SLC16A10: variants seen among roughly 807,000 people sequenced by gnomAD.
SLC16A10 encodes the protein monocarboxylate transporter 10.
A neutral mutation model predicts 40.0 loss-of-function variants in SLC16A10; 27 were observed. The ratio of observed to expected loss-of-function variants is 0.67; its 90% CI spans 0.50 to 0.93. The LOEUF is 0.93. Among genes scored for constraint, SLC16A10 ranks in the 40% least tolerant of loss-of-function variants. The pLI, the probability that SLC16A10 is intolerant of heterozygous loss-of-function variation, is 0.00. For synonymous variants in SLC16A10, 213 were observed against 249.8 expected (o/e 0.85, Z 1.39); for missense variants, 529 against 658.2 (o/e 0.80, Z 2.15).
At chr6:111,099,475 G>C (rs1346577096) in intron 1 of SLC16A10, among the ~76,000 whole-genome samples, 2 of 151,984 alleles carry the variant, frequency 1.3e-5, no homozygotes, top group Non-Finnish European at 2.9e-5. Flanking sequence ...ACTACACCTG[G>C]CTAATTTTTA....
intron 1 of SLC16A10, among the ~76,000 whole-genome samples, chr6:111,097,494 A>G (rs141172142): frequency 0.013 from 2,034 of 151,630 alleles, no homozygotes; most frequent in African/African-American, 0.047. Context: ...TTGTATTTTT[A>G]GTAGAGGTAG....
In SLC16A10 at chr6:111,169,588, C is replaced by T. The variant is rs1772544259; in HGVS notation, c.344-3107C>T. Among the ~76,000 whole-genome samples the T allele has an allele frequency of 3.9e-5, 6 of 152,362 alleles. No individual in the cohort carries two copies. In the South Asian group the frequency reaches 1.2e-3, roughly 32 times the overall value. ...GAAAAGCAGCTGATTTCAATCCCTT[C>T]CCAGGTTCCCTGGGGCTGGGGAAAA... On this transcript the variant is annotated intron_variant, in intron 1 of 5. Transcript: ENST00000368851.
intron 1 of SLC16A10, among the ~76,000 whole-genome samples, chr6:111,120,147 A>G (rs1771558570): frequency 6.6e-6 from 1 of 152,236 alleles, no homozygotes; most frequent in African/African-American, 2.4e-5. Flanking sequence ...TCAGGGAAAC[A>G]TGCTGACGTC....
chr6:111,100,325 G>A (rs1250197682), intron 1 of SLC16A10, among the ~76,000 whole-genome samples: 2 of 152,108 alleles, frequency 1.3e-5, no homozygotes, highest in East Asian at 3.8e-4. Flanking sequence ...AAAATAAATT[G>A]TAATACATTT....
chr6:111,189,231 G>T (rs1200861218), intron 3 of SLC16A10, among the ~76,000 whole-genome samples: 1 of 152,154 alleles, frequency 6.6e-6, no homozygotes, highest in Non-Finnish European at 1.5e-5. Flanking sequence ...GGTAAGAGAT[G>T]GTAAGAGACA....
rs1025551864 is a variant in SLC16A10 at position 111,224,822 on chromosome 6, A to G, written c.*2587A>G. On this transcript the variant is annotated 3_prime_UTR_variant, in exon 6 of 6. Coordinates refer to ENST00000368851, the MANE Select transcript of SLC16A10 (RefSeq NM_018593.5). ...TTCTGAATGAAGTGTTACTGCTGCAATAAAGTGACCTGATAAGCCTAAATT... is the reference window on the plus strand; with the variant it reads ...TTCTGAATGAAGTGTTACTGCTGCAGTAAAGTGACCTGATAAGCCTAAATT... 2.0e-5 allele frequency: 3 copies of G among 152,224 alleles called. No individual in the cohort carries two copies. The highest frequency in any genetic ancestry group is 7.2e-5 in the African/African-American group (3 of 41,456). 9.4% of individuals were successfully genotyped at this position (152,224 alleles called of 1,614,324 possible). A position where few individuals can be genotyped will look rare whatever the true frequency, so the allele number is the denominator to read the frequency against.
chr6:111,205,784 A>T (rs1773243509), intron 3 of SLC16A10, among the ~76,000 whole-genome samples: 1 of 152,248 alleles, frequency 6.6e-6, no homozygotes, highest in African/African-American at 2.4e-5. Flanking sequence ...ATCTGTTCTA[A>T]TGCTACACAG....
chr6:111,113,280 G>A (rs1228725307), intron 1 of SLC16A10, among the ~76,000 whole-genome samples: 1 of 152,130 alleles, frequency 6.6e-6, no homozygotes, highest in Non-Finnish European at 1.5e-5. Context: ...ATAAGAATTA[G>A]TAGTACAATA....
At chr6:111,138,730 C>T (rs905879010) in intron 1 of SLC16A10, among the ~76,000 whole-genome samples, 1 of 152,038 alleles carries the variant, frequency 6.6e-6, no homozygotes, top group African/African-American at 2.4e-5. Flanking sequence ...AAGTGATCCT[C>T]CTGCCTCAGC....
At chr6:111,114,274 T>C (rs1034228762) in intron 1 of SLC16A10, among the ~76,000 whole-genome samples, 31 of 152,228 alleles carry the variant, frequency 2.0e-4, no homozygotes, top group Non-Finnish European at 7.3e-5. Context: ...TGTGACTACA[T>C]TGGTAAATCT....
chr6:111,139,574 A>G (rs1009973177), intron 1 of SLC16A10, among the ~76,000 whole-genome samples: 3 of 152,218 alleles, frequency 2.0e-5, no homozygotes, highest in African/African-American at 7.2e-5. Flanking sequence ...TGCTGGAATT[A>G]CAGGCATGAG....
At chr6:111,204,381 T>G (rs561802192) in intron 3 of SLC16A10, among the ~76,000 whole-genome samples, 1 of 152,182 alleles carries the variant, frequency 6.6e-6, no homozygotes. Context: ...GCACAGGGCC[T>G]GTTGACTTTG....
chr6:111,119,753 T>C (rs1247393914), intron 1 of SLC16A10, among the ~76,000 whole-genome samples: 1 of 152,240 alleles, frequency 6.6e-6, no homozygotes, highest in Non-Finnish European at 1.5e-5. Context: ...CCTGGTCAGA[T>C]AGGATTAGTG....
chr6:111,139,737 G>A (rs533756223), intron 1 of SLC16A10, among the ~76,000 whole-genome samples: 20 of 152,270 alleles, frequency 1.3e-4, no homozygotes, highest in Non-Finnish European at 2.1e-4. Context: ...GAACATTCAC[G>A]TGCATGTGTC....
chr6:111,154,715 G>A (rs113486547), intron 1 of SLC16A10, among the ~76,000 whole-genome samples: 8 of 152,176 alleles, frequency 5.3e-5, no homozygotes, highest in South Asian at 2.1e-4. Context: ...TTCTGAGGCC[G>A]GGAGCAGTGG....
At chr6:111,089,695 G>A (rs1464933835) in intron 1 of SLC16A10, among the ~76,000 whole-genome samples, 1 of 152,012 alleles carries the variant, frequency 6.6e-6, no homozygotes, top group Non-Finnish European at 1.5e-5. Context: ...AAAATAGTTT[G>A]TTGTCTTTTC....
chr6:111,163,376 T>C (rs934427919), intron 1 of SLC16A10, among the ~76,000 whole-genome samples: 1 of 151,644 alleles, frequency 6.6e-6, no homozygotes, highest in Non-Finnish European at 1.5e-5. Context: ...ATGGTCTCGA[T>C]CTCCTGACCT....
At chr6:111,125,393 A>G (rs752409419) in intron 1 of SLC16A10, among the ~76,000 whole-genome samples, 38 of 152,156 alleles carry the variant, frequency 2.5e-4, no homozygotes, top group Non-Finnish European at 4.0e-4. Context: ...CCTCCTCATG[A>G]AATTTCTGGA....
chr6:111,162,912 C>T (rs1176771950), intron 1 of SLC16A10, among the ~76,000 whole-genome samples: 3 of 152,030 alleles, frequency 2.0e-5, no homozygotes, highest in Admixed American at 2.0e-4. Flanking sequence ...TTCAGCTCTT[C>T]ATGAGTCCTG....
Sources: gnomAD v4.1 joint callset for allele counts (sites outside exome capture counted in the v4.1 genomes callset) on GRCh38, gnomAD v4.1.1 for gene constraint, MANE v1.5 for transcripts, NCBI Gene and HGNC (gene_info 2026-07-23, HGNC 2026-07-21) for gene names.